The following CSMD1 variants were observed in gnomAD, a reference collection of about 807,000 sequenced individuals.
CSMD1 encodes CUB and Sushi multiple domains 1.
In CSMD1, 213 loss-of-function variants were observed where a neutral mutation model predicts 417.5. The observed-to-expected ratio is 0.51, with a 90% CI of 0.46 to 0.57. The LOEUF (loss-of-function observed/expected upper bound fraction) is 0.57. Ranked by LOEUF, CSMD1 falls within the 20% of genes least tolerant of loss-of-function variation. CSMD1 has a pLI of 0.00. For missense variants in CSMD1, 6,923 were observed against 4,529.7 expected, an observed-to-expected ratio of 1.53 and a Z score of -15.17; for synonymous variants, 2,862 against 1,736.8, an observed-to-expected ratio of 1.65 and a Z score of -16.11.
At chr8:4,144,301 C>A (rs1218156553) in intron 3 of CSMD1, among the ~76,000 whole-genome samples, 1 of 151,010 alleles carries the variant, frequency 6.6e-6, no homozygotes, top group Admixed American at 6.6e-5. Context: ...AACAGGATAC[C>A]CCACTTAAAC....
chr8:3,757,986 G>C (rs985411040), intron 5 of CSMD1, among the ~76,000 whole-genome samples: 2 of 151,926 alleles, frequency 1.3e-5, no homozygotes, highest in Non-Finnish European at 2.9e-5. Context: ...TTTTATTTTT[G>C]ACAGTCTTGC....
intron 3 of CSMD1, among the ~76,000 whole-genome samples, chr8:4,125,863 T>A (rs1017564239): frequency 6.6e-6 from 1 of 152,122 alleles, no homozygotes; most frequent in Non-Finnish European, 1.5e-5. Flanking sequence ...GACTAACAAA[T>A]TAGCTACAAG....
rs775093026 is a variant in CSMD1 at position 3,308,398 on chromosome 8, G to A, written c.3737C>T (p.Pro1246Leu). ...TDTVVLYSCN[P>L]GYAMHGSNTL... The stretch of plus-strand genomic sequence containing the variant: ...GTTGCTGCCATGCATGGCGTACCCC[G>A]GGTTGCAACTGTACAGAACTACAGT... Residue 1246 changes from proline to leucine, a missense_variant, in exon 24 of 70, where the codon CCG (proline) becomes CTG (leucine). Transcript: ENST00000635120. 93 of 1,613,668 alleles carry A rather than the reference G, an allele frequency of 5.8e-5. No individual in the cohort carries two copies. Among genetic ancestry groups the A allele is most frequent in the Non-Finnish European group, 7.5e-5 (89 of 1,179,808 alleles).
intron 1 of CSMD1, among the ~76,000 whole-genome samples, chr8:4,936,019 G>C (rs1009088238): frequency 1.3e-5 from 2 of 152,210 alleles, no homozygotes; most frequent in African/African-American, 4.8e-5. Context: ...GGAACCCAAA[G>C]TGCAATGCAT....
intron 6 of CSMD1, among the ~76,000 whole-genome samples, chr8:3,724,463 T>C (rs1802374417): frequency 6.6e-6 from 1 of 152,196 alleles, no homozygotes; most frequent in Non-Finnish European, 1.5e-5. Context: ...TAATTCTGAA[T>C]ATATTAAGTA....
chr8:4,444,873 G>A lies in CSMD1; in HGVS notation c.303-24808C>T, dbSNP rs145973039. Among the ~76,000 whole-genome samples the A allele has an allele frequency of 8.3e-3, 1,256 of 152,218 alleles. 19 individuals carry two copies. The highest frequency in any genetic ancestry group is 0.029 in the African/African-American group (1,201 of 41,522). On this transcript the variant is annotated intron_variant, in intron 2 of 69. Coordinates refer to ENST00000635120, the MANE Select transcript of CSMD1 (RefSeq NM_033225.6). ...CCCAGAGGACTCCTGCTGCAGCCAA[G>A]GTAATTGATTGTTCAGACTCTGACC... is the stretch of plus-strand genomic sequence containing the variant.
At chr8:3,163,077 T>C (rs936059375) in intron 37 of CSMD1, among the ~76,000 whole-genome samples, 1 of 152,222 alleles carries the variant, frequency 6.6e-6, no homozygotes, top group Non-Finnish European at 1.5e-5. Context: ...AAACTTTCCA[T>C]TATGAGATGA....
chr8:3,760,024 G>A (rs576688291), intron 5 of CSMD1, among the ~76,000 whole-genome samples: 1 of 152,164 alleles, frequency 6.6e-6, no homozygotes, highest in Non-Finnish European at 1.5e-5. Flanking sequence ...AGAAACACAG[G>A]ACACACGCCT....
At chr8:4,286,119 G>C (rs551694785) in intron 3 of CSMD1, among the ~76,000 whole-genome samples, 9 of 151,986 alleles carry the variant, frequency 5.9e-5, no homozygotes, top group Non-Finnish European at 1.0e-4. Context: ...TCACGTTAAC[G>C]ATATGCGCAC....
intron 41 of CSMD1, among the ~76,000 whole-genome samples, chr8:3,141,364 G>T (rs1265264005): frequency 6.6e-6 from 1 of 152,210 alleles, no homozygotes; most frequent in Non-Finnish European, 1.5e-5. Flanking sequence ...CCTGGACATA[G>T]ATTGAATTAA....
chr8:4,215,883 C>G (rs977687304), intron 3 of CSMD1, among the ~76,000 whole-genome samples: 1 of 152,128 alleles, frequency 6.6e-6, no homozygotes, highest in African/African-American at 2.4e-5. Flanking sequence ...AAGAATAAAG[C>G]AGGGACAAAA....
At chr8:4,695,660 C>A (rs1331263801) in intron 1 of CSMD1, among the ~76,000 whole-genome samples, 1 of 152,060 alleles carries the variant, frequency 6.6e-6, no homozygotes, top group South Asian at 2.1e-4. Flanking sequence ...TTTGTTAGAA[C>A]CTATAGACCT....
rs540924689 is a variant in CSMD1, at chr8:4,735,305, T to A, written c.86-97747A>T. 1.3e-4 allele frequency among the ~76,000 whole-genome samples: 20 copies of A among 152,230 alleles called. No homozygotes were observed. In the East Asian group the frequency reaches 2.7e-3, roughly 21 times the overall value. On this transcript the variant is annotated intron_variant, in intron 1 of 69. Coordinates refer to ENST00000635120, the MANE Select transcript of CSMD1 (RefSeq NM_033225.6). ...TTTCACTAGCTTTTTAAACCACATC[T>A]CCAATGCCAGCTACCAAGTTACCAA...
intron 1 of CSMD1, among the ~76,000 whole-genome samples, chr8:4,827,412 G>A (rs1223904004): frequency 2.6e-5 from 4 of 152,138 alleles, no homozygotes; most frequent in African/African-American, 4.8e-5. Flanking sequence ...CTGTCTGGAT[G>A]AAGAGAAAAG....
At chr8:4,398,249 T>A (rs949976413) in intron 3 of CSMD1, among the ~76,000 whole-genome samples, 2 of 152,184 alleles carry the variant, frequency 1.3e-5, no homozygotes, top group Non-Finnish European at 2.9e-5. Flanking sequence ...AGGAGGCTGT[T>A]GTAATATTGT....
At chr8:2,959,625 G>A (rs371328081) in intron 62 of CSMD1, among the ~76,000 whole-genome samples, 9 of 152,074 alleles carry the variant, frequency 5.9e-5, no homozygotes, top group African/African-American at 1.4e-4. Context: ...CTGGAGCTAC[G>A]GGTTTCGGGG....
chr8:4,163,911 G>C (rs533539462), intron 3 of CSMD1, among the ~76,000 whole-genome samples: 1 of 152,090 alleles, frequency 6.6e-6, no homozygotes, highest in African/African-American at 2.4e-5. Flanking sequence ...TTGGTTACTC[G>C]TTAGGTGACT....
intron 2 of CSMD1, among the ~76,000 whole-genome samples, chr8:4,599,711 A>G (rs1209231888): frequency 6.6e-6 from 1 of 152,234 alleles, no homozygotes; most frequent in Non-Finnish European, 1.5e-5. Flanking sequence ...ATAGCCAGTC[A>G]TAGCAACCAC....
At chr8:4,454,645 C>T (rs1195397337) in intron 2 of CSMD1, among the ~76,000 whole-genome samples, 2 of 152,194 alleles carry the variant, frequency 1.3e-5, no homozygotes, top group Non-Finnish European at 2.9e-5. Flanking sequence ...ACTAAGGCTT[C>T]AGTGCAGCCT....
Sources: gnomAD v4.1 joint callset for allele counts (sites outside exome capture counted in the v4.1 genomes callset) on GRCh38, gnomAD v4.1.1 for gene constraint, MANE v1.5 for transcripts, NCBI Gene and HGNC (gene_info 2026-07-23, HGNC 2026-07-21) for gene names.